The following GLMN variants were observed in gnomAD, a reference collection of about 807,000 sequenced individuals.
The protein encoded by GLMN is glomulin.
In GLMN, 75 loss-of-function variants were observed where a neutral mutation model predicts 87.8. That is an observed-to-expected ratio of 0.85 (90% CI 0.71 to 1.04). GLMN has a LOEUF of 1.04. Ranked by LOEUF, GLMN falls within the 50% of genes least tolerant of loss-of-function variation. GLMN has a pLI of 0.00. For synonymous variants in GLMN, 206 were observed against 221.6 expected (o/e 0.93, Z 0.63); for missense variants, 588 against 658.8 (o/e 0.89, Z 1.18).
Position 92,248,009 on chromosome 1 carries a change from G to A in GLMN, c.1474-20C>T, listed in dbSNP as rs569694943. ...TCCAGTCTGTTAAGAATGAAAGAAT[G>A]AGTTATTTAGTTCAACAATGATTGA... On this transcript the variant is annotated intron_variant, in intron 16 of 18. Coordinates refer to ENST00000370360, the MANE Select transcript of GLMN (RefSeq NM_053274.3). 4 of 944,544 alleles carry A rather than the reference G, an allele frequency of 4.2e-6. No individual in the cohort carries two copies. Among genetic ancestry groups the A allele is most frequent in the Non-Finnish European group, 7.0e-6 (4 of 572,736 alleles). The allele number at this position is 944,544 out of a possible 1,614,324, so 58.5% of individuals were successfully genotyped here. A position where few individuals can be genotyped will look rare whatever the true frequency, so the allele number is the denominator to read the frequency against.
intron 11 of GLMN, 125 bp from the exon 12 acceptor site, chr1:92,266,866 GTAA>G: frequency 1.5e-6 from 1 of 659,754 alleles, no homozygotes; most frequent in Non-Finnish European, 2.7e-6. Flanking sequence ...TAAAAGTGAA[GTAA>G]ATTAATTTTT....
chr1:92,363,590 GAAC>G, the GLMN span: 3 of 160,464 alleles, frequency 1.9e-5, no homozygotes, highest in African/African-American at 7.2e-5. Flanking sequence ...ATTGACCCTT[GAAC>G]AACATGGGTT....
chr1:92,358,395 G>A, the GLMN span, among the ~76,000 whole-genome samples: 3 of 151,970 alleles, frequency 2.0e-5, no homozygotes, highest in South Asian at 2.1e-4. Context: ...ACTTGAGGAA[G>A]TGTTTCCTCC....
At chr1:92,363,795 G>T in the GLMN span, 1 of 277,884 alleles carries the variant, frequency 3.6e-6, no homozygotes, top group Non-Finnish European at 7.1e-6. Context: ...TCTTCTTTAT[G>T]ATTTGCTTAA....
chr1:92,246,980 G>A, intron 18 of GLMN, 82 bp downstream of exon 18: 1 of 798,420 alleles, frequency 1.3e-6, no homozygotes, highest in Non-Finnish European at 2.2e-6. Flanking sequence ...CCACAATCAT[G>A]CCACTGCACT....
Position 92,264,574 on chromosome 1 carries a change from G to T in GLMN, c.1279C>A (p.Gln427Lys). Residue 427 changes from glutamine (Q) to lysine (K), a missense_variant, in exon 14 of 19, where the codon CAA becomes AAA. Physicochemically the swap from Gln to Lys is moderately conservative, Grantham distance 53. Coordinates refer to ENST00000370360, the MANE Select transcript of GLMN (RefSeq NM_053274.3). Reference sequence around the variant, plus strand: ...CTTACCTTTAATGACATGTCAATTTGATTTTTGATATTTTGAATAATAAAA... The same window carrying T: ...CTTACCTTTAATGACATGTCAATTTTATTTTTGATATTTTGAATAATAAAA... ...EAFIIQNIKN[Q>K]IDMSLKRTRN... 6.4e-7 allele frequency: 1 copy of T among 1,567,826 alleles called. No individual in the cohort carries two copies. Among genetic ancestry groups the T allele is most frequent in the Middle Eastern group, 1.7e-4 (1 of 5,940 alleles).
At position 92,268,109 on chromosome 1, in the gene GLMN, C is replaced by T; in HGVS notation, c.1004G>A (p.Gly335Glu). 1 of 1,454,288 alleles carries T rather than the reference C, an allele frequency of 6.9e-7. No homozygotes were observed. Among genetic ancestry groups the T allele is most frequent in the Non-Finnish European group, 9.7e-7 (1 of 1,035,294 alleles). 90.1% of individuals were successfully genotyped at this position (1,454,288 alleles called of 1,614,324 possible). A position where few individuals can be genotyped will look rare whatever the true frequency, so the allele number is the denominator to read the frequency against. Residue 335 changes from glycine to glutamate, a missense_variant, in exon 10 of 19, where the codon GGA (glycine) becomes GAA (glutamate). By Grantham distance (98) the Gly-to-Glu change is moderately conservative. Transcript: ENST00000370360. Reference sequence around the variant, plus strand: ...TAATGGGAACAAACATCTTACCAATCCTTTGGAGATAACAGACTCTTCTGT... The same window carrying T: ...TAATGGGAACAAACATCTTACCAATTCTTTGGAGATAACAGACTCTTCTGT... ...QRTEESVISK[G>E]LELLENSLLR...
At chr1:92,284,886 C>T (rs955384448) in intron 7 of GLMN, among the ~76,000 whole-genome samples, 2 of 152,130 alleles carry the variant, frequency 1.3e-5, no homozygotes, top group African/African-American at 2.4e-5. Flanking sequence ...CACTGGTCAT[C>T]AGAGAAATGC....
intron 1 of GLMN, among the ~76,000 whole-genome samples, 183 bp from the exon 2 acceptor site, chr1:92,298,212 T>C (rs1225874875): frequency 6.6e-6 from 1 of 152,188 alleles, no homozygotes; most frequent in Non-Finnish European, 1.5e-5. Context: ...GAAATGTTAT[T>C]ACTGAATCTT....
intron 16 of GLMN, among the ~76,000 whole-genome samples, chr1:92,255,549 T>A (rs574240514): frequency 6.6e-6 from 1 of 152,142 alleles, no homozygotes; most frequent in African/African-American, 2.4e-5. Context: ...GAACAGAAAT[T>A]GTAACAAACT....
intron 1 of GLMN, among the ~76,000 whole-genome samples, chr1:92,298,328 C>CA (rs112083314): frequency 0.049 from 7,313 of 150,530 alleles, 605 homozygotes; most frequent in African/African-American, 0.17. Flanking sequence ...GAAAAAAAAA[C>CA]AAAAAAAACC....
the GLMN span, chr1:92,333,478 G>A: frequency 5.0e-6 from 8 of 1,598,808 alleles, no homozygotes; most frequent in Non-Finnish European, 6.9e-6. Context: ...TAAAGTGTAA[G>A]TATGTAATTG....
intron 7 of GLMN, among the ~76,000 whole-genome samples, chr1:92,281,478 A>G (rs1181512027): frequency 1.3e-5 from 2 of 152,188 alleles, no homozygotes; most frequent in African/African-American, 2.4e-5. Context: ...TTTACTAAAC[A>G]TGAATAGGAA....
At chr1:92,312,844 CAG>C in the GLMN span, among the ~76,000 whole-genome samples, 12 of 150,274 alleles carry the variant, frequency 8.0e-5, no homozygotes, top group Admixed American at 2.7e-4. Flanking sequence ...TTTTTTCAGA[CAG>C]AGTCTCACTC....
the GLMN span, among the ~76,000 whole-genome samples, chr1:92,346,200 G>C: frequency 6.8e-6 from 1 of 147,236 alleles, no homozygotes; most frequent in African/African-American, 2.5e-5. Context: ...GTCTCGCTCT[G>C]TTGCCCATGC....
At chr1:92,263,584 C>T (rs771604276) in intron 15 of GLMN, 39 bp downstream of exon 15, 2 of 888,446 alleles carry the variant, frequency 2.3e-6, no homozygotes, top group Admixed American at 3.4e-5. Flanking sequence ...ACATTTTATT[C>T]TGAATTTACT....
chr1:92,255,201 A>T (rs919917177), intron 16 of GLMN, among the ~76,000 whole-genome samples: 12 of 152,236 alleles, frequency 7.9e-5, no homozygotes, highest in African/African-American at 2.7e-4. Flanking sequence ...ATGCAACAAG[A>T]AGAGCTAACT....
At chr1:92,356,142 A>AT in the GLMN span, among the ~76,000 whole-genome samples, 5 of 150,312 alleles carry the variant, frequency 3.3e-5, no homozygotes, top group Non-Finnish European at 6.0e-5. Context: ...TTATTTATTT[A>AT]TTTTTTAATT....
At chr1:92,292,137 C>A (rs1208439452) in intron 3 of GLMN, among the ~76,000 whole-genome samples, 1 of 152,168 alleles carries the variant, frequency 6.6e-6, no homozygotes, top group African/African-American at 2.4e-5. Context: ...ACTTCTCTGG[C>A]CTGCTTTGTA....
Sources: gnomAD v4.1 joint callset for allele counts (sites outside exome capture counted in the v4.1 genomes callset) on GRCh38, gnomAD v4.1.1 for gene constraint, MANE v1.5 for transcripts, NCBI Gene and HGNC (gene_info 2026-07-23, HGNC 2026-07-21) for gene names.